ABCG8: variants seen among roughly 807,000 people sequenced by gnomAD.
ABCG8 encodes the protein ATP binding cassette subfamily G member 8, also known as ATP-binding cassette sub-family G member 8.
Under a neutral mutation model 71.3 loss-of-function variants are expected in ABCG8, and 81 were observed. That is an observed-to-expected ratio of 1.14 (90% CI 0.95 to 1.37). The LOEUF is 1.37. Among genes scored for constraint, ABCG8 ranks in the 40% most tolerant of loss-of-function variants. The pLI is 0.00. For synonymous variants in ABCG8, 451 were observed against 354.7 expected (o/e 1.27, Z -3.05); for missense variants, 1,119 against 866.2 (o/e 1.29, Z -3.66).
rs184738846 is a variant in ABCG8 at position 43,859,437 on chromosome 2, A to G, written c.964+6569A>G. On this transcript the variant is annotated intron_variant, in intron 6 of 12. Coordinates refer to ENST00000272286, the MANE Select transcript of ABCG8 (RefSeq NM_022437.3). ...TCTCACTCTGCATAGAACTCTCACT[A>G]TCTATCTGGATAGAGCTCTTACTAT... Among the ~76,000 whole-genome samples, 96 of 148,726 alleles carry G rather than the reference A, an allele frequency of 6.5e-4. 1 individual carries two copies. The highest frequency in any genetic ancestry group is 6.4e-3 in the Admixed American group (96 of 15,006).
intron 6 of ABCG8, among the ~76,000 whole-genome samples, chr2:43,863,166 ACT>A (rs1669391838): frequency 6.7e-6 from 1 of 149,930 alleles, no homozygotes; most frequent in Non-Finnish European, 1.5e-5. Flanking sequence ...TAGAATTTTC[ACT>A]CTCTGGATAT....
At chr2:43,849,305 G>A (rs1207878568) in intron 3 of ABCG8, among the ~76,000 whole-genome samples, 1 of 152,094 alleles carries the variant, frequency 6.6e-6, no homozygotes, top group Non-Finnish European at 1.5e-5. Flanking sequence ...CATGGCTGGG[G>A]AGGCCTCAGG....
Position 43,873,985 on chromosome 2 carries a change from A to G in ABCG8, c.1410A>G (p.Lys470=). 6.2e-7 allele frequency: 1 copy of G among 1,613,832 alleles called. No individual in the cohort carries two copies. Among genetic ancestry groups the G allele is most frequent in the Non-Finnish European group, 8.5e-7 (1 of 1,180,018 alleles). ...PFNVILDVIS[K]CYSERAMLYY... is the part of the protein sequence containing the mutation. ...ACGTCATTCTGGATGTCATCTCCAA[A>G]TGTGAGTGTGGCCCACTGGCATGGG... Residue 470 remains lysine (K), a splice_region_variant and synonymous_variant, in exon 9 of 13, where the codon AAA becomes AAG. Transcript: ENST00000272286.
chr2:43,872,193 C>T, intron 7 of ABCG8, 30 bp from the exon 8 acceptor site: 1 of 1,614,016 alleles, frequency 6.2e-7, no homozygotes, highest in Non-Finnish European at 8.5e-7. Context: ...TGGCTGCCCC[C>T]ATGACCTGGC....
intron 1 of ABCG8, among the ~76,000 whole-genome samples, chr2:43,842,296 A>C (rs944913355): frequency 1.3e-5 from 2 of 152,210 alleles, no homozygotes; most frequent in Non-Finnish European, 2.9e-5. Flanking sequence ...TACAGGCATG[A>C]GCCACTGCGC....
chr2:43,844,489 C>G lies in ABCG8; in HGVS notation c.64-18C>G. ...AGCAGCTTCTAAAGGAGCCCCTCAT[C>G]TCTCCTGTCTCCCACAGGGCCTCCA... On this transcript the variant is annotated intron_variant, in intron 1 of 12. Transcript: ENST00000272286. The G allele has an allele frequency of 1.2e-6, 2 of 1,601,754 alleles. No homozygotes were observed. The highest frequency in any genetic ancestry group is 1.1e-5 in the South Asian group (1 of 90,762).
Position 43,878,296 on chromosome 2 carries a change from A to C in ABCG8, c.*383A>C, listed in dbSNP as rs1361818364. 1 of 319,268 alleles carries C rather than the reference A, an allele frequency of 3.1e-6. No individual in the cohort carries two copies. The allele number at this position is 319,268 out of a possible 1,614,324, so 19.8% of individuals were successfully genotyped here. The stretch of plus-strand genomic sequence containing the variant: ...GTTGGAACCTGGAGGGAACAATAAC[A>C]GTAGCTAGCAGATTTGGCTTCATCT... On this transcript the variant is annotated 3_prime_UTR_variant, in exon 13 of 13. Transcript: ENST00000272286.
At chr2:43,861,717 A>T (rs1669326102) in intron 6 of ABCG8, among the ~76,000 whole-genome samples, 1 of 150,612 alleles carries the variant, frequency 6.6e-6, no homozygotes, top group African/African-American at 2.4e-5. Context: ...CACTCCCCAG[A>T]TAGTGGACAC....
At chr2:43,853,518 C>T (rs1488678214) in intron 6 of ABCG8, among the ~76,000 whole-genome samples, 6 of 152,018 alleles carry the variant, frequency 3.9e-5, no homozygotes, top group Non-Finnish European at 8.8e-5. Flanking sequence ...GTACCAGGTC[C>T]CAGGGAGACA....
intron 4 of ABCG8, 49 bp downstream of exon 4, chr2:43,851,871 G>A (rs1558809237): frequency 1.9e-6 from 3 of 1,587,812 alleles, no homozygotes; most frequent in East Asian, 2.2e-5. Context: ...AAGCTACAGT[G>A]TCCATGCCCC....
chr2:43,855,271 T>A (rs1340631360), intron 6 of ABCG8, among the ~76,000 whole-genome samples: 1 of 152,112 alleles, frequency 6.6e-6, no homozygotes, highest in Non-Finnish European at 1.5e-5. Flanking sequence ...GAATTCTCAC[T>A]CTCTGTATAT....
chr2:43,845,334 G>A (rs1572824532), intron 2 of ABCG8, among the ~76,000 whole-genome samples: 2 of 151,960 alleles, frequency 1.3e-5, no homozygotes, highest in Non-Finnish European at 2.9e-5. Context: ...TGTGAGTTGG[G>A]ACAAGCCAAT....
chr2:43,843,982 G>C (rs762589404), intron 1 of ABCG8, among the ~76,000 whole-genome samples: 2 of 152,122 alleles, frequency 1.3e-5, no homozygotes, highest in South Asian at 4.1e-4. Context: ...CTAAGATGTT[G>C]GTTAGAATTT....
chr2:43,843,796 A>T (rs6748810), intron 1 of ABCG8, among the ~76,000 whole-genome samples: 1 of 151,934 alleles, frequency 6.6e-6, no homozygotes, highest in South Asian at 2.1e-4. Context: ...ACCATGAAAC[A>T]TTGATTTTTT....
In ABCG8 at chr2:43,881,939, A is replaced by G. The variant is rs777553191; in HGVS notation, c.*4026A>G. 2.0e-5 allele frequency: 3 copies of G among 152,192 alleles called. No individual in the cohort carries two copies. Among genetic ancestry groups the G allele is most frequent in the African/African-American group, 4.8e-5 (2 of 41,444 alleles). The allele number at this position is 152,192 out of a possible 1,614,324, so 9.4% of individuals were successfully genotyped here. The stretch of plus-strand genomic sequence containing the variant: ...CAGTGTGAGAGCAGCTGTAGACTAT[A>G]GTAACGTACAGCCGGTGTGGCTGTC... On this transcript the variant is annotated 3_prime_UTR_variant, in exon 13 of 13. Coordinates refer to ENST00000272286, the MANE Select transcript of ABCG8 (RefSeq NM_022437.3).
At chr2:43,871,196 A>C (rs1473335540) in intron 6 of ABCG8, among the ~76,000 whole-genome samples, 2 of 146,728 alleles carry the variant, frequency 1.4e-5, no homozygotes, top group Non-Finnish European at 3.0e-5. Context: ...ATCTGGATTG[A>C]ACTCTCACTA....
chr2:43,844,031 T>C (rs1375722534), intron 1 of ABCG8, among the ~76,000 whole-genome samples: 4 of 152,192 alleles, frequency 2.6e-5, no homozygotes, highest in African/African-American at 9.7e-5. Context: ...GGGCATTAAC[T>C]CTCAACAGCT....
At position 43,881,378 on chromosome 2, in the gene ABCG8, A is replaced by C. The variant is rs1670127184; in HGVS notation, c.*3465A>C. On this transcript the variant is annotated 3_prime_UTR_variant, in exon 13 of 13. Transcript: ENST00000272286. ...CTGATCCCATGGGTCTGTTTTGTTT[A>C]AAATGCTCTTCAAGGCATTGTGAGG... The C allele has an allele frequency of 6.6e-6, 1 of 152,222 alleles. No individual in the cohort carries two copies. Among genetic ancestry groups the C allele is most frequent in the African/African-American group, 2.4e-5 (1 of 41,460 alleles). The allele number at this position is 152,222 out of a possible 1,614,324, so 9.4% of individuals were successfully genotyped here.
chr2:43,841,038 A>G (rs1668568160), intron 1 of ABCG8, among the ~76,000 whole-genome samples: 1 of 152,188 alleles, frequency 6.6e-6, no homozygotes, highest in African/African-American at 2.4e-5. Flanking sequence ...AGGAGCAGCA[A>G]CAGAGAAGGA....
Sources: allele counts gnomAD v4.1 joint callset (sites outside exome capture counted in the v4.1 genomes callset), GRCh38; gene constraint gnomAD v4.1.1; transcripts MANE v1.5; gene names NCBI Gene and HGNC (gene_info 2026-07-23, HGNC 2026-07-21).